Variants in NLRC5 observed in about 807,000 individuals in gnomAD.
The protein encoded by NLRC5 is NLR family CARD domain containing 5, also known as protein NLRC5.
In NLRC5, 114 loss-of-function variants were observed where a neutral mutation model predicts 206.9. The observed-to-expected ratio is 0.55, with a 90% CI of 0.47 to 0.64. The LOEUF is 0.64. Among genes scored for constraint, NLRC5 ranks in the 30% least tolerant of loss-of-function variants. NLRC5 has a pLI of 0.00. For missense variants in NLRC5, 2,008 were observed against 2,305.5 expected (o/e 0.87, Z 2.64); for synonymous variants, 952 against 962.8 (o/e 0.99, Z 0.21).
intron 27 of NLRC5, 61 bp from the exon 28 acceptor site, chr16:57,058,004 A>G: frequency 4.4e-6 from 6 of 1,364,324 alleles, no homozygotes; most frequent in Non-Finnish European, 6.2e-6. Flanking sequence ...CTGGTGACTG[A>G]GGAGCATCTC....
At chr16:57,049,928 T>C (rs1448366322) in intron 23 of NLRC5, among the ~76,000 whole-genome samples, 1 of 151,834 alleles carries the variant, frequency 6.6e-6, no homozygotes, top group East Asian at 1.9e-4. Flanking sequence ...TAAATAGTCA[T>C]CAAGGTACTC....
chr16:57,030,754 T>C (rs1158770933), intron 10 of NLRC5, among the ~76,000 whole-genome samples: 2 of 152,164 alleles, frequency 1.3e-5, no homozygotes, highest in African/African-American at 4.8e-5. Context: ...TGAACCAATA[T>C]AGCCAGTTTT....
intron 38 of NLRC5, among the ~76,000 whole-genome samples, chr16:57,071,483 G>A (rs2067756645): frequency 6.9e-6 from 1 of 144,700 alleles, no homozygotes; most frequent in African/African-American, 2.6e-5. Flanking sequence ...GGAAGGGGGT[G>A]AGTGAGCGAT....
intron 19 of NLRC5, among the ~76,000 whole-genome samples, chr16:57,042,587 G>A (rs1204454055): frequency 6.6e-6 from 1 of 152,128 alleles, no homozygotes; most frequent in South Asian, 2.1e-4. Context: ...AAATGCCCTT[G>A]GTGCTTTTGG....
rs1464778098 is a variant in NLRC5 at position 57,067,802 on chromosome 16, G to T, written c.4473G>T (p.Leu1491=). ...ASSLLLQSLL[L]SLSELKTFRL... Reference sequence around the variant, plus strand: ...CCCTGCTGCTGCAGAGCCTCCTGCTGTCCCTCTCTGAGCTGAAGACATTTC... The same window carrying T: ...CCCTGCTGCTGCAGAGCCTCCTGCTTTCCCTCTCTGAGCTGAAGACATTTC... Residue 1491 remains leucine (L), a synonymous_variant, in exon 36 of 49, where the codon CTG becomes CTT. Coordinates refer to ENST00000688547, the MANE Select transcript of NLRC5 (RefSeq NM_001384950.1). 1 of 1,614,190 alleles carries T rather than the reference G, an allele frequency of 6.2e-7. No individual in the cohort carries two copies. Among genetic ancestry groups the T allele is most frequent in the East Asian group, 2.2e-5 (1 of 44,888 alleles).
At chr16:56,990,903 C>G (rs559228272) in intron 1 of NLRC5, 8 of 152,276 alleles carry the variant, frequency 5.3e-5, no homozygotes, top group Non-Finnish European at 1.0e-4. Flanking sequence ...GAATGGCCAT[C>G]CATGATGCCC....
chr16:57,062,153 T>G (rs2066595077), intron 32 of NLRC5: 1 of 823,184 alleles, frequency 1.2e-6, no homozygotes. Flanking sequence ...TTTATTTTTA[T>G]TTCAGCTGAA....
intron 1 of NLRC5, among the ~76,000 whole-genome samples, chr16:57,008,380 T>G (rs1183032823): frequency 2.0e-5 from 3 of 152,368 alleles, no homozygotes; most frequent in African/African-American, 7.2e-5. Context: ...TATAGCTTTC[T>G]GGTACTTTCA....
intron 21 of NLRC5, 56 bp from the exon 22 acceptor site, chr16:57,046,496 G>A: frequency 6.9e-7 from 1 of 1,454,056 alleles, no homozygotes; most frequent in Non-Finnish European, 9.6e-7. Context: ...TATGGGCTGG[G>A]CTGGGAGTCC....
At position 57,067,490 on chromosome 16, in the gene NLRC5, G is replaced by A; in HGVS notation, c.4406+20G>A. Reference sequence around the variant, plus strand: ...GCTCAGGTCAGCGCCTGGAAACTCTGTGTGGGGCCCTGAGTTCTCTGGTTG... The same window carrying A: ...GCTCAGGTCAGCGCCTGGAAACTCTATGTGGGGCCCTGAGTTCTCTGGTTG... On this transcript the variant is annotated intron_variant, in intron 35 of 48. Coordinates refer to ENST00000688547, the MANE Select transcript of NLRC5 (RefSeq NM_001384950.1). 1 of 1,612,380 alleles carries A rather than the reference G, an allele frequency of 6.2e-7. No individual in the cohort carries two copies. The highest frequency in any genetic ancestry group is 1.7e-4 in the Middle Eastern group (1 of 6,054).
intron 38 of NLRC5, among the ~76,000 whole-genome samples, chr16:57,073,245 C>T (rs1399456900): frequency 6.6e-6 from 1 of 152,214 alleles, no homozygotes; most frequent in African/African-American, 2.4e-5. Context: ...GTTGCCCTAT[C>T]TGTAAACTGG....
chr16:57,033,172 C>G (rs2143020379), intron 11 of NLRC5, among the ~76,000 whole-genome samples: 1 of 152,344 alleles, frequency 6.6e-6, no homozygotes, highest in South Asian at 2.1e-4. Flanking sequence ...GAACCACAGA[C>G]AGCACATCCA....
intron 1 of NLRC5, among the ~76,000 whole-genome samples, chr16:57,001,012 G>A (rs2058176899): frequency 6.6e-6 from 1 of 152,202 alleles, no homozygotes; most frequent in South Asian, 2.1e-4. Flanking sequence ...CATCACTGGG[G>A]CTCTTTCTGC....
intron 1 of NLRC5, among the ~76,000 whole-genome samples, chr16:57,015,591 AAAATAAAT>A (rs202245287): frequency 0.45 from 62,341 of 138,014 alleles, 13,988 homozygotes; most frequent in Middle Eastern, 0.6. Flanking sequence ...GTCTCTTAAA[AAAATAAAT>A]AAATAAATAA....
chr16:57,025,894 T>A lies in NLRC5; in HGVS notation c.951T>A (p.Gly317=). The stretch of plus-strand genomic sequence containing the variant: ...TAGATGAGGCCCTCCAGCCTATGGG[T>A]CCTGATGGCCCAGGCCCAGTCCTCA... ...DGLDEALQPM[G]PDGPGPVLTL... Residue 317 remains glycine, a synonymous_variant, in exon 6 of 49, where the codon GGT becomes GGA. Transcript: ENST00000688547. 1 of 1,614,186 alleles carries A rather than the reference T, an allele frequency of 6.2e-7. No individual in the cohort carries two copies. The highest frequency in any genetic ancestry group is 8.5e-7 in the Non-Finnish European group (1 of 1,180,032).
chr16:57,041,488 G>T lies in NLRC5; in HGVS notation c.2943G>T (p.Leu981=). 6.2e-7 allele frequency: 1 copy of T among 1,613,894 alleles called. No homozygotes were observed. Among genetic ancestry groups the T allele is most frequent in the South Asian group, 1.1e-5 (1 of 91,040 alleles). The change falls in exon 18 of 49, where the codon CTG becomes CTT. Residue 981 remains leucine, a synonymous_variant. Coordinates refer to ENST00000688547, the MANE Select transcript of NLRC5 (RefSeq NM_001384950.1). ...CTGTGTTTTTGTCCCTGGGCAGGCT[G>T]ACACATTGTGGCCTCCAAGAAAAGC... ...ELPLSSRRMR[L]THCGLQEKHL...
At position 57,026,675 on chromosome 16, in the gene NLRC5, A is replaced by G. The variant is rs1249871917; in HGVS notation, c.1732A>G (p.Ser578Gly). ...LASCTCRPFL[S>G]HLAQGNEDCV... ...ATCCTGCACCTGCCGCCCCTTCCTT[A>G]GCCACCTGGCGCAGGGCAATGAGGA... The change falls in exon 6 of 49, where the codon AGC becomes GGC. Residue 578 changes from serine (S) to glycine (G), a missense_variant. Coordinates refer to ENST00000688547, the MANE Select transcript of NLRC5 (RefSeq NM_001384950.1). The G allele has an allele frequency of 6.2e-7, 1 of 1,613,918 alleles. No homozygotes were observed. Among genetic ancestry groups the G allele is most frequent in the Non-Finnish European group, 8.5e-7 (1 of 1,179,970 alleles).
At chr16:57,028,856 C>A (rs1266992709) in intron 8 of NLRC5, among the ~76,000 whole-genome samples, 2 of 152,230 alleles carry the variant, frequency 1.3e-5, no homozygotes, top group Non-Finnish European at 2.9e-5. Context: ...CCTTTAACTA[C>A]ATGTACACAT....
intron 1 of NLRC5, among the ~76,000 whole-genome samples, chr16:57,012,076 C>A (rs2059565649): frequency 6.6e-6 from 1 of 152,230 alleles, no homozygotes; most frequent in South Asian, 2.1e-4. Flanking sequence ...CAGGCCCAGG[C>A]AACCAGTAAT....
Sources: allele counts gnomAD v4.1 joint callset (sites outside exome capture counted in the v4.1 genomes callset), GRCh38; gene constraint gnomAD v4.1.1; transcripts MANE v1.5; gene names NCBI Gene and HGNC (gene_info 2026-07-23, HGNC 2026-07-21).